The following NLGN1 variants were observed in gnomAD, a reference collection of about 807,000 sequenced individuals.
NLGN1 encodes the protein neuroligin-1.
Under a neutral mutation model 65.5 loss-of-function variants are expected in NLGN1, and 12 were observed. The observed-to-expected ratio is 0.18, with a 90% CI of 0.12 to 0.30. The LOEUF is 0.30. Ranked by LOEUF, NLGN1 falls within the 10% of genes least tolerant of loss-of-function variation. NLGN1 has a pLI of 1.00. For synonymous variants in NLGN1, 350 were observed against 359.5 expected (o/e 0.97, Z 0.30); for missense variants, 750 against 1,007.1 (o/e 0.74, Z 3.46).
At chr3:174,027,913 G>A (rs990729683) in intron 4 of NLGN1, among the ~76,000 whole-genome samples, 1 of 152,120 alleles carries the variant, frequency 6.6e-6, no homozygotes, top group Non-Finnish European at 1.5e-5. Context: ...GTGGGGCCAG[G>A]TGGAGATAAT....
chr3:173,683,328 C>T (rs887157809), intron 3 of NLGN1, among the ~76,000 whole-genome samples: 1 of 152,108 alleles, frequency 6.6e-6, no homozygotes, highest in African/African-American at 2.4e-5. Context: ...GCTTCATGCA[C>T]TGTGTGTTTG....
chr3:173,753,362 T>C (rs1776590597), intron 3 of NLGN1, among the ~76,000 whole-genome samples: 1 of 152,184 alleles, frequency 6.6e-6, no homozygotes, highest in Non-Finnish European at 1.5e-5. Flanking sequence ...TTTCATGGTC[T>C]TCCCTGTCTT....
At chr3:173,605,545 T>C in intron 3 of NLGN1, 3 of 1,286,560 alleles carry the variant, frequency 2.3e-6, no homozygotes, top group Non-Finnish European at 3.0e-6. Flanking sequence ...AAAAAGAATA[T>C]CCAAGGAATG....
rs564638015 is a variant in NLGN1 at position 173,529,549 on chromosome 3, C to T, written c.-320-74730C>T. On this transcript the variant is annotated intron_variant, in intron 2 of 6. Coordinates refer to ENST00000457714, the Ensembl canonical transcript of NLGN1. Reference sequence around the variant, plus strand: ...GCTGCACCAGCTGCATGCCCTAGATCGGCAAGAACTTGATCTGTTTATCAC... The same window carrying T: ...GCTGCACCAGCTGCATGCCCTAGATTGGCAAGAACTTGATCTGTTTATCAC... Among the ~76,000 whole-genome samples, 16 of 152,286 alleles carry T rather than the reference C, an allele frequency of 1.1e-4. 1 individual carries two copies. In the South Asian group the frequency reaches 2.3e-3, roughly 22 times the overall value.
At chr3:173,413,632 T>G (rs1713069637) in intron 1 of NLGN1, among the ~76,000 whole-genome samples, 1 of 151,900 alleles carries the variant, frequency 6.6e-6, no homozygotes, top group Non-Finnish European at 1.5e-5. Context: ...AAATAAAAAC[T>G]TCTTAGTCTA....
chr3:173,627,880 A>G (rs1012007187), intron 3 of NLGN1, among the ~76,000 whole-genome samples: 77 of 151,574 alleles, frequency 5.1e-4, no homozygotes, highest in African/African-American at 1.8e-3. Context: ...AAAAAAAGCT[A>G]TTCCTGAAAA....
intron 4 of NLGN1, among the ~76,000 whole-genome samples, chr3:173,832,486 A>C (rs1363357182): frequency 6.6e-6 from 1 of 152,210 alleles, no homozygotes; most frequent in Non-Finnish European, 1.5e-5. Flanking sequence ...GCAAAGAGAA[A>C]TCTCTTTAAT....
intron 2 of NLGN1, among the ~76,000 whole-genome samples, chr3:173,504,430 G>C (rs1731659354): frequency 6.6e-6 from 1 of 152,030 alleles, no homozygotes; most frequent in Admixed American, 6.6e-5. Context: ...ATTTACTTCA[G>C]ATTTACATTT....
At chr3:174,254,610 C>T (rs887736800) in intron 4 of NLGN1, among the ~76,000 whole-genome samples, 2 of 151,720 alleles carry the variant, frequency 1.3e-5, no homozygotes, top group African/African-American at 4.8e-5. Flanking sequence ...TTAATCTTAT[C>T]GATATTTAGG....
intron 2 of NLGN1, among the ~76,000 whole-genome samples, chr3:173,462,991 A>C (rs665913): frequency 0.1 from 15,570 of 152,082 alleles, 881 homozygotes; most frequent in Admixed American, 0.14. Context: ...TTTCTTGAGG[A>C]TTATTTGTAA....
intron 1 of NLGN1, among the ~76,000 whole-genome samples, chr3:173,413,793 C>G (rs766001835): frequency 1.3e-5 from 2 of 152,030 alleles, no homozygotes; most frequent in Non-Finnish European, 2.9e-5. Flanking sequence ...ATGGGAAGCC[C>G]TGGAGCTAAA....
chr3:174,009,014 G>A (rs1579734580), intron 4 of NLGN1, among the ~76,000 whole-genome samples: 1 of 152,070 alleles, frequency 6.6e-6, no homozygotes, highest in Non-Finnish European at 1.5e-5. Context: ...CATACCCTGG[G>A]TGACTTAGCA....
At chr3:174,163,806 A>C (rs1727019246) in intron 4 of NLGN1, among the ~76,000 whole-genome samples, 1 of 152,098 alleles carries the variant, frequency 6.6e-6, no homozygotes, top group Non-Finnish European at 1.5e-5. Flanking sequence ...GCATATATGT[A>C]CCATGTTTTC....
intron 2 of NLGN1, among the ~76,000 whole-genome samples, chr3:173,572,307 C>A (rs961170478): frequency 1.9e-4 from 29 of 152,146 alleles, no homozygotes; most frequent in African/African-American, 6.8e-4. Context: ...TAATGTGCAA[C>A]CATAGGGAGA....
chr3:173,618,099 T>G (rs1338921933), intron 3 of NLGN1, among the ~76,000 whole-genome samples: 1 of 152,158 alleles, frequency 6.6e-6, no homozygotes, highest in African/African-American at 2.4e-5. Context: ...GCTTCTCCAA[T>G]GGCCTGTGTG....
chr3:173,912,452 G>A (rs1318194072), intron 4 of NLGN1: 1 of 152,126 alleles, frequency 6.6e-6, no homozygotes, highest in African/African-American at 2.4e-5. Flanking sequence ...TTTCTCATTT[G>A]TAAAACAGAC....
At chr3:174,032,581 G>A (rs763896954) in intron 4 of NLGN1, among the ~76,000 whole-genome samples, 2 of 152,120 alleles carry the variant, frequency 1.3e-5, no homozygotes, top group Non-Finnish European at 2.9e-5. Context: ...CCTGAGTGTG[G>A]ACTACTGTGA....
chr3:174,209,623 CTTTTTTTTTTTTTT>C (rs796169913), intron 4 of NLGN1, among the ~76,000 whole-genome samples: 1 of 82,072 alleles, frequency 1.2e-5, no homozygotes, highest in African/African-American at 4.9e-5. Flanking sequence ...ACCTTTCTTT[CTTTTTTTTTTTTTT>C]TTTTTTTTTT....
intron 4 of NLGN1, among the ~76,000 whole-genome samples, chr3:173,845,970 GA>G: frequency 6.6e-6 from 1 of 151,860 alleles, no homozygotes; most frequent in Non-Finnish European, 1.5e-5. Flanking sequence ...TGTTTTTAAA[GA>G]TGGGGTCTTG....
Sources: gnomAD v4.1 joint callset for allele counts (sites outside exome capture counted in the v4.1 genomes callset) on GRCh38, gnomAD v4.1.1 for gene constraint, MANE v1.5 for transcripts, NCBI Gene and HGNC (gene_info 2026-07-23, HGNC 2026-07-21) for gene names.